PDE1A: variants seen among roughly 807,000 people sequenced by gnomAD.
PDE1A encodes the protein phosphodiesterase 1A.
Under a neutral mutation model 61.7 loss-of-function variants are expected in PDE1A, and 35 were observed. The observed-to-expected ratio is 0.57, with a 90% CI of 0.43 to 0.75. The LOEUF (loss-of-function observed/expected upper bound fraction) is 0.75. PDE1A is among the 30% of genes least tolerant of loss of function. The pLI is 0.00. For synonymous variants in PDE1A, 232 were observed against 213.2 expected (o/e 1.09, Z -0.77); for missense variants, 597 against 630.6 (o/e 0.95, Z 0.57).
At chr2:182,155,608 A>T (rs923387448) in intron 13 of PDE1A, among the ~76,000 whole-genome samples, 2 of 152,150 alleles carry the variant, frequency 1.3e-5, no homozygotes, top group Non-Finnish European at 2.9e-5. Context: ...CCCACATGTC[A>T]GCCAGGTGCA....
At chr2:182,527,377 C>CAT (rs1690795737), upstream of PDE1A, among the ~76,000 whole-genome samples, 4 of 74,772 alleles carry the variant, frequency 5.3e-5, no homozygotes, top group East Asian at 3.6e-4. Flanking sequence ...TATATATACA[C>CAT]ATATATATAT....
chr2:182,289,774 A>G (rs545741868), intron 1 of PDE1A, among the ~76,000 whole-genome samples: 2 of 152,168 alleles, frequency 1.3e-5, no homozygotes, highest in African/African-American at 4.8e-5. Context: ...TTTTGATTCT[A>G]TTATTACTCC....
At chr2:182,371,808 C>T (rs985506475) in intron 1 of PDE1A, among the ~76,000 whole-genome samples, 3 of 151,970 alleles carry the variant, frequency 2.0e-5, no homozygotes, top group Admixed American at 2.0e-4. Context: ...TATTTAGAGA[C>T]AGGGTCTCAC....
At chr2:182,428,773 A>G (rs1417150026), upstream of PDE1A, among the ~76,000 whole-genome samples, 1 of 152,144 alleles carries the variant, frequency 6.6e-6, no homozygotes, top group Non-Finnish European at 1.5e-5. Flanking sequence ...TTAATATAGC[A>G]TAAATCTTCC....
the PDE1A span, among the ~76,000 whole-genome samples, chr2:182,672,963 T>A: frequency 6.6e-6 from 1 of 152,214 alleles, no homozygotes; most frequent in African/African-American, 2.4e-5. Context: ...GCATGTCCAG[T>A]AGTTATCACG....
chr2:182,538,341 AAC>A, the PDE1A span, among the ~76,000 whole-genome samples: 2 of 152,162 alleles, frequency 1.3e-5, no homozygotes, highest in Admixed American at 6.5e-5. Context: ...AGAAATATAG[AAC>A]AGTGTTTGAA....
intron 13 of PDE1A, among the ~76,000 whole-genome samples, chr2:182,156,783 G>A (rs1041749385): frequency 5.9e-5 from 9 of 151,978 alleles, no homozygotes; most frequent in African/African-American, 9.7e-5. Context: ...TCCTATACCC[G>A]TGGGGATTTC....
At chr2:182,672,027 G>A in the PDE1A span, among the ~76,000 whole-genome samples, 1 of 152,020 alleles carries the variant, frequency 6.6e-6, no homozygotes, top group Non-Finnish European at 1.5e-5. Flanking sequence ...CCTCTAAATT[G>A]CTAGAACATT....
the PDE1A span, among the ~76,000 whole-genome samples, chr2:182,587,613 G>C: frequency 6.6e-6 from 1 of 152,260 alleles, no homozygotes; most frequent in Admixed American, 6.5e-5. Context: ...TATAAAGAAA[G>C]TTAATTGCCA....
chr2:182,707,846 A>C, the PDE1A span, among the ~76,000 whole-genome samples: 1 of 152,292 alleles, frequency 6.6e-6, no homozygotes. Flanking sequence ...TGGTTACTAG[A>C]GGCTGGAAAG....
the PDE1A span, among the ~76,000 whole-genome samples, chr2:182,533,780 G>A: frequency 6.6e-6 from 1 of 152,064 alleles, no homozygotes; most frequent in South Asian, 2.1e-4. Flanking sequence ...AAAGTTTAAT[G>A]TTGATAGATC....
At chr2:182,414,212 G>A (rs1702785961) in intron 1 of PDE1A, among the ~76,000 whole-genome samples, 1 of 152,048 alleles carries the variant, frequency 6.6e-6, no homozygotes, top group Admixed American at 6.6e-5. Context: ...ATGAATGGAA[G>A]GAAGAGACTG....
At chr2:182,410,248 T>G (rs907323257) in intron 1 of PDE1A, among the ~76,000 whole-genome samples, 1 of 152,112 alleles carries the variant, frequency 6.6e-6, no homozygotes, top group African/African-American at 2.4e-5. Flanking sequence ...ACACCTGCAG[T>G]CCCAGCTACT....
intron 10 of PDE1A, 85 bp downstream of exon 10, chr2:182,201,354 C>T (rs371387921): frequency 6.6e-5 from 99 of 1,502,788 alleles, no homozygotes; most frequent in African/African-American, 3.3e-4. Flanking sequence ...AAGTCACAAG[C>T]CCTGGATTCC....
the PDE1A span, among the ~76,000 whole-genome samples, chr2:182,603,237 TATC>T: frequency 0.15 from 23,563 of 152,160 alleles, 2,104 homozygotes; most frequent in Middle Eastern, 0.24. Flanking sequence ...TTTAGGAAAA[TATC>T]ATCAGTTTTG....
At chr2:182,644,844 A>G in the PDE1A span, among the ~76,000 whole-genome samples, 1 of 152,214 alleles carries the variant, frequency 6.6e-6, no homozygotes, top group African/African-American at 2.4e-5. Context: ...ACATAAGTAG[A>G]GTCTGGAAAA....
chr2:182,208,704 C>A (rs958012766), intron 7 of PDE1A, among the ~76,000 whole-genome samples: 1 of 152,110 alleles, frequency 6.6e-6, no homozygotes, highest in Non-Finnish European at 1.5e-5. Flanking sequence ...AGGAGCACAC[C>A]CCCTGCATCA....
chr2:182,690,200 T>C, the PDE1A span, among the ~76,000 whole-genome samples: 1 of 152,194 alleles, frequency 6.6e-6, no homozygotes, highest in African/African-American at 2.4e-5. Context: ...ATCATCCTGA[T>C]ACCAAAGCCT....
chr2:182,145,219 C>T (rs1333004086), downstream of PDE1A, among the ~76,000 whole-genome samples: 1 of 152,156 alleles, frequency 6.6e-6, no homozygotes, highest in East Asian at 1.9e-4. Flanking sequence ...TCAGTTGCAG[C>T]AGAATTCTAT....
Sources: allele counts gnomAD v4.1 joint callset (sites outside exome capture counted in the v4.1 genomes callset), GRCh38; gene constraint gnomAD v4.1.1; transcripts MANE v1.5; gene names NCBI Gene and HGNC (gene_info 2026-07-23, HGNC 2026-07-21).